The following VPS13C variants were observed in gnomAD, a reference collection of about 807,000 sequenced individuals.
VPS13C encodes intermembrane lipid transfer protein VPS13C.
VPS13C carries 358 observed loss-of-function variants against 456.8 expected under a neutral mutation model. The observed-to-expected ratio is 0.78, with a 90% confidence interval of 0.72 to 0.86. VPS13C has a LOEUF of 0.86. VPS13C is among the 40% of genes least tolerant of loss of function. The pLI is 0.00. For synonymous variants in VPS13C, 1,578 were observed against 1,486.7 expected, an observed-to-expected ratio of 1.06 and a Z score of -1.41; for missense variants, 4,818 against 4,385.4, an observed-to-expected ratio of 1.10 and a Z score of -2.79.
rs371942868 is a variant in VPS13C, at chr15:62,033,404, T to G, written c.385+37A>C. Reference sequence around the variant, plus strand: ...AAGGATATTAATTATATCTAAAATATAGGTATGTCTAAGTTTATCTCAAAA... The same window carrying G: ...AAGGATATTAATTATATCTAAAATAGAGGTATGTCTAAGTTTATCTCAAAA... On this transcript the variant is annotated intron_variant, in intron 5 of 84. Coordinates refer to ENST00000644861, the MANE Select transcript of VPS13C (RefSeq NM_020821.3). The G allele has an allele frequency of 8.2e-6, 11 of 1,342,432 alleles. No individual in the cohort carries two copies. In the Middle Eastern group the frequency reaches 1.9e-3, roughly 226 times the overall value. 83.2% of individuals were successfully genotyped at this position (1,342,432 alleles called of 1,614,324 possible).
chr15:62,020,307 G>A (rs544975453), intron 9 of VPS13C, among the ~76,000 whole-genome samples, 172 bp downstream of exon 9: 27 of 151,930 alleles, frequency 1.8e-4, no homozygotes, highest in South Asian at 4.1e-4. Flanking sequence ...ATTTTAAAAT[G>A]TAATAATAGC....
chr15:61,928,710 T>C lies in VPS13C; in HGVS notation c.6286+791A>G, dbSNP rs559152129. On this transcript the variant is annotated intron_variant, in intron 51 of 84. Transcript: ENST00000644861. ...GCCTGGGAAACATGGCGAAGCCCCA[T>C]GTTTACCGAAAAACAAAAAATACCA... is the stretch of plus-strand genomic sequence containing the variant. 4.6e-5 allele frequency among the ~76,000 whole-genome samples: 7 copies of C among 152,038 alleles called. No individual in the cohort carries two copies. In the South Asian group the frequency reaches 1.0e-3, roughly 23 times the overall value.
intron 37 of VPS13C, 91 bp downstream of exon 37, chr15:61,958,517 T>C (rs2045084941): frequency 2.7e-6 from 2 of 733,498 alleles, no homozygotes; most frequent in Non-Finnish European, 4.5e-6. Flanking sequence ...TTTGTAAACA[T>C]ATATTTGTTT....
intron 9 of VPS13C, among the ~76,000 whole-genome samples, chr15:62,016,276 T>C (rs1302729953): frequency 3.3e-5 from 5 of 151,144 alleles, no homozygotes; most frequent in African/African-American, 1.2e-4. Context: ...TATATATATA[T>C]ATATTTTTAT....
intron 42 of VPS13C, 60 bp from the exon 43 acceptor site, chr15:61,947,369 T>C (rs1350611651): frequency 2.4e-6 from 3 of 1,242,334 alleles, no homozygotes; most frequent in African/African-American, 1.5e-5. Context: ...ACACATACAA[T>C]AACCTCAAAT....
In VPS13C at chr15:61,968,077, C is replaced by G. The variant is rs1219979619; in HGVS notation, c.2912-630G>C. ...GAAAAATTATTATTTATATTTTTCC[C>G]TCAAGACAATAATGTAAACCTTATC... is the stretch of plus-strand genomic sequence containing the variant. On this transcript the variant is annotated intron_variant, in intron 28 of 84. Coordinates refer to ENST00000644861, the MANE Select transcript of VPS13C (RefSeq NM_020821.3). Among the ~76,000 whole-genome samples, 12 of 151,940 alleles carry G rather than the reference C, an allele frequency of 7.9e-5. No homozygotes were observed. In the East Asian group the frequency reaches 1.4e-3, roughly 17 times the overall value.
intron 63 of VPS13C, among the ~76,000 whole-genome samples, chr15:61,911,292 T>C (rs1220111135): frequency 1.3e-5 from 2 of 152,194 alleles, no homozygotes; most frequent in South Asian, 2.1e-4. Flanking sequence ...GTGAAACTTT[T>C]ATCTTTTGAT....
intron 1 of VPS13C, among the ~76,000 whole-genome samples, chr15:62,059,850 C>T (rs1405422325): frequency 6.6e-6 from 1 of 152,188 alleles, no homozygotes; most frequent in African/African-American, 2.4e-5. Flanking sequence ...ATGCAACTTC[C>T]TCCTTTTTTC....
At chr15:61,865,110 C>G (rs1482241666) in intron 81 of VPS13C, 1 of 984,808 alleles carries the variant, frequency 1.0e-6, no homozygotes, top group African/African-American at 1.7e-5. Context: ...CTAATGGCAG[C>G]AGGGAGACCA....
chr15:61,974,154 A>T, intron 25 of VPS13C, 134 bp downstream of exon 25: 1 of 920,866 alleles, frequency 1.1e-6, no homozygotes, highest in Non-Finnish European at 1.5e-6. Flanking sequence ...AACACATTAT[A>T]AATTTGAAAG....
intron 66 of VPS13C, among the ~76,000 whole-genome samples, chr15:61,896,447 A>G (rs920916712): frequency 6.6e-6 from 1 of 152,190 alleles, no homozygotes; most frequent in African/African-American, 2.4e-5. Flanking sequence ...GGGAAGCGCA[A>G]GGGGTCAGGG....
At chr15:61,864,493 GAATA>G (rs1894405206) in intron 81 of VPS13C, 1 of 821,086 alleles carries the variant, frequency 1.2e-6, no homozygotes, top group Non-Finnish European at 1.5e-6. Flanking sequence ...TAAATATACT[GAATA>G]AATAAGACCT....
At chr15:61,946,285 T>C (rs2140274716) in intron 44 of VPS13C, 22 bp downstream of exon 44, 2 of 1,542,146 alleles carry the variant, frequency 1.3e-6, no homozygotes, top group Non-Finnish European at 1.8e-6. Context: ...AATTCCAATA[T>C]AAAAATCTAT....
At chr15:61,905,394 AACTT>A (rs1218431911) in intron 66 of VPS13C, among the ~76,000 whole-genome samples, 1 of 152,176 alleles carries the variant, frequency 6.6e-6, no homozygotes, top group Non-Finnish European at 1.5e-5. Flanking sequence ...TCTTGTAAAA[AACTT>A]ACAGTTAAAT....
chr15:61,961,414 C>G, intron 35 of VPS13C, among the ~76,000 whole-genome samples, 175 bp downstream of exon 35: 1 of 130,124 alleles, frequency 7.7e-6, no homozygotes, highest in East Asian at 3.1e-4. Flanking sequence ...CACACACACA[C>G]ACACACACAC....
intron 18 of VPS13C, 93 bp downstream of exon 18, chr15:61,990,907 T>G: frequency 1.2e-6 from 1 of 826,286 alleles, no homozygotes; most frequent in Non-Finnish European, 2.0e-6. Context: ...ATTAATAACA[T>G]TTATATTACT....
rs71125960 is a variant in VPS13C, at chr15:61,980,183, C to CAAAAAAA, written c.2166+1152_2166+1158dup. The stretch of plus-strand genomic sequence containing the variant: ...TGGGTGACAGAGCAAGACCCCATCT[C>CAAAAAAA]AAAAAAAAAAAAAAAAAAAAAAAAA... On this transcript the variant is annotated intron_variant, in intron 22 of 84. Coordinates refer to ENST00000644861, the MANE Select transcript of VPS13C (RefSeq NM_020821.3). Among the ~76,000 whole-genome samples the CAAAAAAA allele has an allele frequency of 5.1e-4, 23 of 45,256 alleles. 1 individual carries two copies. Among genetic ancestry groups the CAAAAAAA allele is most frequent in the African/African-American group, 1.4e-3 (20 of 14,300 alleles). The allele number at this position is 45,256 out of a possible 152,430, so 29.7% of individuals were successfully genotyped here.
At chr15:62,018,044 A>C (rs2047321017) in intron 9 of VPS13C, among the ~76,000 whole-genome samples, 1 of 152,056 alleles carries the variant, frequency 6.6e-6, no homozygotes. Context: ...TTCTCTTTGA[A>C]TCAATTGTGA....
chr15:61,875,402 T>C (rs1332817393), intron 76 of VPS13C, among the ~76,000 whole-genome samples: 3 of 151,996 alleles, frequency 2.0e-5, no homozygotes, highest in African/African-American at 7.2e-5. Flanking sequence ...AGATGACAGC[T>C]TGAATATGAA....
Sources: allele counts gnomAD v4.1 joint callset (sites outside exome capture counted in the v4.1 genomes callset), GRCh38; gene constraint gnomAD v4.1.1; transcripts MANE v1.5; gene names NCBI Gene and HGNC (gene_info 2026-07-23, HGNC 2026-07-21).